Variants in HIVEP3 observed in about 807,000 individuals in gnomAD.
HIVEP3 encodes transcription factor HIVEP3.
HIVEP3 carries 49 observed loss-of-function variants against 152.8 expected under a neutral mutation model. That is an observed-to-expected ratio of 0.32 (90% CI 0.26 to 0.41). The LOEUF (loss-of-function observed/expected upper bound fraction) is 0.41, where lower values mean the gene tolerates loss of function less well. HIVEP3 is among the 10% of genes least tolerant of loss of function. The pLI is 1.00. For synonymous variants in HIVEP3, 1,269 were observed against 1,289.0 expected, an observed-to-expected ratio of 0.98 and a Z score of 0.33; for missense variants, 2,790 against 3,103.3, an observed-to-expected ratio of 0.90 and a Z score of 2.40.
chr1:42,015,766 CT>C (rs1645518413), intron 1 of HIVEP3, among the ~76,000 whole-genome samples: 1 of 152,258 alleles, frequency 6.6e-6, no homozygotes, highest in South Asian at 2.1e-4. Context: ...AGGGAACACC[CT>C]AGCTGCCTAG....
intron 5 of HIVEP3, among the ~76,000 whole-genome samples, chr1:41,529,731 G>A (rs2810551): frequency 0.46 from 59,922 of 130,620 alleles, 13,876 homozygotes; most frequent in Middle Eastern, 0.55. Flanking sequence ...ACATACACAC[G>A]CCACCCTCAC....
At chr1:41,529,989 C>T (rs1268455776) in intron 5 of HIVEP3, among the ~76,000 whole-genome samples, 1 of 146,638 alleles carries the variant, frequency 6.8e-6, no homozygotes, top group African/African-American at 2.6e-5. Context: ...CCCATGCACA[C>T]ACACCACACA....
intron 1 of HIVEP3, among the ~76,000 whole-genome samples, chr1:41,903,793 G>A (rs962933347): frequency 6.6e-6 from 1 of 151,722 alleles, no homozygotes; most frequent in African/African-American, 2.4e-5. Context: ...TCTTAAAAGA[G>A]TATTGGGTCA....
At chr1:41,779,043 G>A (rs1648881300) in intron 1 of HIVEP3, among the ~76,000 whole-genome samples, 1 of 152,210 alleles carries the variant, frequency 6.6e-6, no homozygotes, top group African/African-American at 2.4e-5. Context: ...CTTCATGCCA[G>A]CAGCTGGGCC....
At chr1:41,732,599 T>C (rs1228272594) in intron 1 of HIVEP3, among the ~76,000 whole-genome samples, 1 of 152,090 alleles carries the variant, frequency 6.6e-6, no homozygotes, top group African/African-American at 2.4e-5. Context: ...ACTACATGGC[T>C]TTGTACCCAA....
intron 5 of HIVEP3, among the ~76,000 whole-genome samples, chr1:41,573,298 G>T (rs1290413020): frequency 6.6e-6 from 1 of 152,132 alleles, no homozygotes; most frequent in African/African-American, 2.4e-5. Flanking sequence ...AGCATCTCTG[G>T]CCTCGTCCCT....
At chr1:41,916,715 T>C (rs564146614) in intron 1 of HIVEP3, among the ~76,000 whole-genome samples, 4 of 152,258 alleles carry the variant, frequency 2.6e-5, no homozygotes, top group Middle Eastern at 6.8e-3. Flanking sequence ...CCCCACAGTA[T>C]AGCCCAACCC....
At chr1:41,639,475 G>T (rs1224056786) in intron 2 of HIVEP3, among the ~76,000 whole-genome samples, 1 of 152,250 alleles carries the variant, frequency 6.6e-6, no homozygotes, top group Middle Eastern at 3.2e-3. Flanking sequence ...ACGTGGATCA[G>T]ATGCGACAAA....
At chr1:41,866,926 C>A (rs141045599) in intron 1 of HIVEP3, among the ~76,000 whole-genome samples, 1 of 152,356 alleles carries the variant, frequency 6.6e-6, no homozygotes, top group Non-Finnish European at 1.5e-5. Context: ...GGACACTCAA[C>A]GTCAGGATAC....
chr1:41,903,904 CT>C (rs377698322), intron 1 of HIVEP3, among the ~76,000 whole-genome samples: 8,064 of 140,094 alleles, frequency 0.058, 189 homozygotes, highest in South Asian at 0.084. Context: ...CTTTTTTTTT[CT>C]TTTTTTTTTT....
At chr1:41,921,444 TC>T (rs1195647176), upstream of HIVEP3, among the ~76,000 whole-genome samples, 15 of 152,208 alleles carry the variant, frequency 9.9e-5, no homozygotes, top group Non-Finnish European at 1.5e-5. Flanking sequence ...AAAGGGTAGT[TC>T]CCTTGCACAC....
At chr1:41,856,784 T>C (rs1643780121) in intron 1 of HIVEP3, among the ~76,000 whole-genome samples, 1 of 152,186 alleles carries the variant, frequency 6.6e-6, no homozygotes, top group African/African-American at 2.4e-5. Context: ...GCGCTGAAGC[T>C]TGGGGGAGGC....
intron 2 of HIVEP3, among the ~76,000 whole-genome samples, chr1:41,687,711 C>T (rs77456120): frequency 0.012 from 1,859 of 152,358 alleles, 41 homozygotes; most frequent in East Asian, 0.1. Flanking sequence ...CTGGGAATTT[C>T]ACTCCATGCT....
chr1:41,569,772 C>G (rs1382405979), intron 5 of HIVEP3, among the ~76,000 whole-genome samples: 1 of 152,188 alleles, frequency 6.6e-6, no homozygotes, highest in African/African-American at 2.4e-5. Context: ...AATGCACTGT[C>G]ACAAAAACGT....
chr1:41,734,688 T>C (rs768233600), intron 1 of HIVEP3, among the ~76,000 whole-genome samples: 47 of 152,134 alleles, frequency 3.1e-4, no homozygotes, highest in Non-Finnish European at 5.6e-4. Context: ...GGCAGGTGGG[T>C]TGGGCAGTAG....
At chr1:41,688,005 A>G (rs756714581) in intron 2 of HIVEP3, among the ~76,000 whole-genome samples, 1 of 152,208 alleles carries the variant, frequency 6.6e-6, no homozygotes, top group Non-Finnish European at 1.5e-5. Context: ...CAAATAAATA[A>G]AGAGGCTGAG....
chr1:41,888,086 A>G (rs1467707954), intron 1 of HIVEP3, among the ~76,000 whole-genome samples: 2 of 138,318 alleles, frequency 1.4e-5, no homozygotes, highest in Non-Finnish European at 3.0e-5. Context: ...CCCAGGCTGG[A>G]GTGCAGTGGC....
intron 1 of HIVEP3, among the ~76,000 whole-genome samples, chr1:41,872,569 CCCAAGG>C (rs1644101884): frequency 6.6e-6 from 1 of 152,038 alleles, no homozygotes; most frequent in Admixed American, 6.5e-5. Flanking sequence ...TCTATCCCAC[CCCAAGG>C]CAACCATAGT....
intron 3 of HIVEP3, among the ~76,000 whole-genome samples, chr1:41,598,303 C>T (rs1644695912): frequency 6.6e-6 from 1 of 152,204 alleles, no homozygotes; most frequent in South Asian, 2.1e-4. Flanking sequence ...CATTTTGTTT[C>T]TATACACGTG....
Sources: allele counts gnomAD v4.1 joint callset (sites outside exome capture counted in the v4.1 genomes callset), GRCh38; gene constraint gnomAD v4.1.1; transcripts MANE v1.5; gene names NCBI Gene and HGNC (gene_info 2026-07-23, HGNC 2026-07-21).